Variants in ADCY2 observed in about 807,000 individuals in gnomAD.
ADCY2 encodes the protein adenylate cyclase type 2.
A neutral mutation model predicts 125.2 loss-of-function variants in ADCY2; 31 were observed. That is an observed-to-expected ratio of 0.25 (90% CI 0.19 to 0.33). ADCY2 has a LOEUF of 0.33. ADCY2 is among the 10% of genes least tolerant of loss of function. The pLI is 1.00. For synonymous variants in ADCY2, 512 were observed against 548.4 expected (o/e 0.93, Z 0.93); for missense variants, 904 against 1,418.2 (o/e 0.64, Z 5.82).
chr5:7,682,256 A>G (rs1740362474), intron 4 of ADCY2, among the ~76,000 whole-genome samples: 1 of 152,224 alleles, frequency 6.6e-6, no homozygotes, highest in East Asian at 1.9e-4. Context: ...GAGCAGTTCT[A>G]AAATCGCCTG....
At position 7,790,796 on chromosome 5, in the gene ADCY2, G is replaced by C. The variant is rs373724036; in HGVS notation, c.2628+996G>C. On this transcript the variant is annotated intron_variant, in intron 20 of 24. Transcript: ENST00000338316. ...GGGAAAGAGTGGACAGTAGGGGAAG[G>C]AGGAAAAGGAATAAAAAGAGAAACG... 1.7e-3 allele frequency among the ~76,000 whole-genome samples: 266 copies of C among 152,278 alleles called. 4 individuals are homozygous for C. The South Asian group carries it at 0.054, about 31-fold the overall frequency.
At chr5:7,778,742 T>C (rs1317419420) in intron 18 of ADCY2, among the ~76,000 whole-genome samples, 1 of 152,160 alleles carries the variant, frequency 6.6e-6, no homozygotes, top group Non-Finnish European at 1.5e-5. Context: ...TTTAGGATAT[T>C]GCGATGTATT....
chr5:7,502,795 A>G (rs1016363712), intron 2 of ADCY2, among the ~76,000 whole-genome samples: 2 of 152,178 alleles, frequency 1.3e-5, no homozygotes, highest in Non-Finnish European at 2.9e-5. Context: ...TGTGCTTGAC[A>G]CTAGTAAAAT....
chr5:7,726,005 G>T (rs1318445562), intron 13 of ADCY2, among the ~76,000 whole-genome samples: 1 of 152,218 alleles, frequency 6.6e-6, no homozygotes, highest in East Asian at 1.9e-4. Context: ...GTCAGAGCAT[G>T]AGGTAGGGCA....
chr5:7,420,190 G>A (rs1020171932), intron 2 of ADCY2, among the ~76,000 whole-genome samples: 2 of 152,120 alleles, frequency 1.3e-5, no homozygotes, highest in Non-Finnish European at 2.9e-5. Context: ...AACGCACAGG[G>A]CAAAGAATTA....
At chr5:7,611,309 T>G (rs903481838) in intron 3 of ADCY2, 2 of 152,222 alleles carry the variant, frequency 1.3e-5, no homozygotes, top group African/African-American at 4.8e-5. Flanking sequence ...AAGATAAATA[T>G]CATTCTGATT....
Position 7,738,307 on chromosome 5 carries a change from G to A in ADCY2, c.1872-5361G>A, listed in dbSNP as rs114961021. 7.0e-3 allele frequency among the ~76,000 whole-genome samples: 1,063 copies of A among 152,062 alleles called. 5 individuals carry two copies. Among genetic ancestry groups the A allele is most frequent in the Non-Finnish European group, 0.011 (731 of 67,918 alleles). ...ATAACTAATGATAAGTTAGGACAGC[G>A]TGTATTAAGCCTTGAGCAATCACTA... On this transcript the variant is annotated intron_variant, in intron 14 of 24. Transcript: ENST00000338316.
intron 23 of ADCY2, among the ~76,000 whole-genome samples, chr5:7,817,728 C>T (rs915892324): frequency 2.1e-5 from 3 of 144,018 alleles, no homozygotes; most frequent in African/African-American, 5.1e-5. Flanking sequence ...GAGGCTGAGG[C>T]GGAAGGATTG....
At chr5:7,557,624 G>C (rs765319408) in intron 3 of ADCY2, among the ~76,000 whole-genome samples, 3 of 152,072 alleles carry the variant, frequency 2.0e-5, no homozygotes, top group Non-Finnish European at 2.9e-5. Flanking sequence ...TGAGGTATTT[G>C]TTTTTCTGTT....
rs542792507 is a variant in ADCY2, at chr5:7,676,568, T to G, written c.721-14123T>G. ...TCATATGGATTTACGTCTACAACAG[T>G]CTTAAAATAAACTGAAAGTGAGTCA... On this transcript the variant is annotated intron_variant, in intron 4 of 24. Coordinates refer to ENST00000338316, the MANE Select transcript of ADCY2 (RefSeq NM_020546.3). Among the ~76,000 whole-genome samples the G allele has an allele frequency of 7.2e-5, 11 of 152,334 alleles. No homozygotes were observed. In the South Asian group the frequency reaches 2.3e-3, roughly 32 times the overall value.
intron 16 of ADCY2, among the ~76,000 whole-genome samples, chr5:7,758,309 C>G (rs1470523218): frequency 6.6e-6 from 1 of 152,158 alleles, no homozygotes; most frequent in Admixed American, 6.5e-5. Context: ...TTATCTCCCC[C>G]ACAATAGACA....
intron 22 of ADCY2, among the ~76,000 whole-genome samples, chr5:7,805,397 G>A (rs1162602614): frequency 1.3e-5 from 2 of 152,096 alleles, no homozygotes; most frequent in African/African-American, 4.8e-5. Flanking sequence ...AGGTCATTTG[G>A]GCAAAATTGA....
At chr5:7,718,145 ATTTTTTT>A (rs59353850) in intron 12 of ADCY2, among the ~76,000 whole-genome samples, 1 of 115,418 alleles carries the variant, frequency 8.7e-6, no homozygotes. Flanking sequence ...CCTGTTTTAG[ATTTTTTT>A]TTTTTTTTTT....
At chr5:7,761,435 C>T (rs1264753213) in intron 16 of ADCY2, among the ~76,000 whole-genome samples, 5 of 152,154 alleles carry the variant, frequency 3.3e-5, no homozygotes, top group Admixed American at 6.5e-5. Flanking sequence ...GTGTGGGCCA[C>T]CATGCCCAGC....
intron 3 of ADCY2, among the ~76,000 whole-genome samples, chr5:7,567,929 TTCTCTCTCTCTCTC>T (rs10590625): frequency 1.8e-4 from 26 of 146,460 alleles, no homozygotes; most frequent in Non-Finnish European, 3.0e-4. Flanking sequence ...CGTCCTCTCT[TTCTCTCTCTCTCTC>T]TCTCTCTCTC....
At chr5:7,662,177 A>T (rs2126694285) in intron 4 of ADCY2, among the ~76,000 whole-genome samples, 1 of 152,356 alleles carries the variant, frequency 6.6e-6, no homozygotes. Flanking sequence ...ACCAAAAAGA[A>T]AAAATAATTT....
chr5:7,657,731 C>G (rs574396307), intron 4 of ADCY2, among the ~76,000 whole-genome samples: 2 of 152,340 alleles, frequency 1.3e-5, no homozygotes, highest in South Asian at 4.1e-4. Flanking sequence ...ACATGTGCCT[C>G]CCCTGCAATA....
intron 4 of ADCY2, among the ~76,000 whole-genome samples, chr5:7,687,722 T>C (rs957010017): frequency 2.6e-5 from 4 of 152,152 alleles, no homozygotes; most frequent in Admixed American, 2.6e-4. Flanking sequence ...CAATCTACAG[T>C]GACCCCCAAG....
At chr5:7,637,465 A>G (rs935054509) in intron 4 of ADCY2, among the ~76,000 whole-genome samples, 1 of 151,754 alleles carries the variant, frequency 6.6e-6, no homozygotes, top group African/African-American at 2.4e-5. Context: ...AAGAAGAAGA[A>G]GAAGAAAGGC....
Sources: allele counts gnomAD v4.1 joint callset (sites outside exome capture counted in the v4.1 genomes callset), GRCh38; gene constraint gnomAD v4.1.1; transcripts MANE v1.5; gene names NCBI Gene and HGNC (gene_info 2026-07-23, HGNC 2026-07-21).